The following SARS1 variants were observed in gnomAD, a reference collection of about 807,000 sequenced individuals.
The protein encoded by SARS1 is seryl-tRNA synthetase 1.
A neutral mutation model predicts 63.7 loss-of-function variants in SARS1; 25 were observed. The observed-to-expected ratio is 0.39, with a 90% CI of 0.29 to 0.55. The LOEUF is 0.55. Ranked by LOEUF, SARS1 falls within the 20% of genes least tolerant of loss-of-function variation. The probability of loss-of-function intolerance (pLI) is 0.62; values close to 1 mark genes in which losing one functional copy is unlikely to be tolerated. For missense variants in SARS1, 417 were observed against 649.7 expected (o/e 0.64, Z 3.89); for synonymous variants, 231 against 243.5 (o/e 0.95, Z 0.48).
In SARS1 at chr1:109,237,858, G is replaced by C; in HGVS notation, c.1515G>C (p.Arg505Ser). 6.2e-7 allele frequency: 1 copy of C among 1,614,184 alleles called. No individual in the cohort carries two copies. Reference sequence around the variant, plus strand: ...CAAGAGACGTCACCCTAGAAAACAGGCTGCAGAACATGGAGGTCACCGATG... The same window carrying C: ...CAAGAGACGTCACCCTAGAAAACAGCCTGCAGAACATGGAGGTCACCGATG... ...AAARDVTLEN[R>S]LQNMEVTDA Residue 505 changes from arginine to serine, a missense_variant, in exon 11 of 11, where the codon AGG becomes AGC. Coordinates refer to ENST00000234677, the MANE Select transcript of SARS1 (RefSeq NM_006513.4). The surrounding 1 kb of genome is among the most constrained non-coding windows in gnomAD (Gnocchi z 4.1).
chr1:109,227,523 T>G (rs1041201308), intron 2 of SARS1, among the ~76,000 whole-genome samples: 3 of 152,186 alleles, frequency 2.0e-5, no homozygotes, highest in African/African-American at 7.2e-5. Context: ...TTGTTTGTTT[T>G]CCTTGGCTGT....
intron 6 of SARS1, 38 bp downstream of exon 6, chr1:109,231,824 A>T (rs750646979): frequency 1.2e-5 from 18 of 1,440,178 alleles, no homozygotes; most frequent in Non-Finnish European, 1.6e-5. Flanking sequence ...TGACTTCTTA[A>T]GTTATGTAGC....
chr1:109,228,267 A>G (rs1655134332), intron 2 of SARS1, 85 bp from the exon 3 acceptor site: 1 of 979,444 alleles, frequency 1.0e-6, no homozygotes. Context: ...CATTTATATA[A>G]TACGTTAATT....
intron 2 of SARS1, among the ~76,000 whole-genome samples, chr1:109,227,114 C>T (rs112939096): frequency 0.025 from 3,723 of 151,400 alleles, 119 homozygotes; most frequent in African/African-American, 0.073. Context: ...CCTGCTTCAG[C>T]CTCCCGAGTA....
chr1:109,235,186 T>G lies in SARS1; in HGVS notation c.748-24T>G. ...AAGGTCCTCCCCACTTCCTCTTAAC[T>G]GGTATAGCTCCTTCCTTCCACAGGT... On this transcript the variant is annotated intron_variant, in intron 6 of 10. Transcript: ENST00000234677. This position sits in a 1 kb window ranked among gnomAD's most constrained non-coding sequence, Gnocchi z 4.7. The G allele has an allele frequency of 6.3e-7, 1 of 1,582,798 alleles. No homozygotes were observed. The highest frequency in any genetic ancestry group is 1.3e-5 in the African/African-American group (1 of 74,396).
At chr1:109,232,609 TAA>T (rs894784777) in intron 6 of SARS1, among the ~76,000 whole-genome samples, 1 of 152,166 alleles carries the variant, frequency 6.6e-6, no homozygotes, top group Non-Finnish European at 1.5e-5. Flanking sequence ...GTTGATGAGG[TAA>T]AAGTTAAGTT....
intron 2 of SARS1, 24 bp from the exon 3 acceptor site, chr1:109,228,327 TG>T: frequency 6.5e-7 from 1 of 1,542,230 alleles, no homozygotes; most frequent in Non-Finnish European, 8.9e-7. Context: ...TATTTATTTG[TG>T]TTGGGTTTTT....
At chr1:109,229,630 C>A in intron 4 of SARS1, 58 bp downstream of exon 4, 2 of 1,553,426 alleles carry the variant, frequency 1.3e-6, no homozygotes, top group Non-Finnish European at 1.8e-6. Context: ...TCTGCAGGGG[C>A]GGGGACGGGA....
intron 1 of SARS1, among the ~76,000 whole-genome samples, chr1:109,221,525 T>C (rs941280904): frequency 7.2e-5 from 11 of 152,206 alleles, no homozygotes; most frequent in Admixed American, 6.6e-4. Context: ...AAACTGTCAT[T>C]ATTTGCAGAT....
At chr1:109,216,638 C>CT (rs201229686) in intron 1 of SARS1, 444 of 951,268 alleles carry the variant, frequency 4.7e-4, no homozygotes, top group African/African-American at 2.8e-3. Context: ...TTGTTGTTTC[C>CT]TTTTTTTTTA....
Position 109,224,054 on chromosome 1 carries a change from A to G in SARS1, c.207+6A>G. ...CAATCGGAGAGAAAATGAAGGTAAG[A>G]GAACTGAATAACAAACAGCCATGAG... On this transcript the variant is annotated splice_donor_region_variant and intron_variant, in intron 2 of 10. Transcript: ENST00000234677. The G allele has an allele frequency of 1.9e-6, 3 of 1,604,678 alleles. No individual in the cohort carries two copies. Among genetic ancestry groups the G allele is most frequent in the Non-Finnish European group, 1.7e-6 (2 of 1,171,402 alleles).
intron 2 of SARS1, among the ~76,000 whole-genome samples, chr1:109,227,758 A>T (rs1031220226): frequency 1.1e-4 from 16 of 151,464 alleles, no homozygotes; most frequent in Non-Finnish European, 1.5e-4. Flanking sequence ...AAAAAAAAAA[A>T]GGAAAAAAAA....
At chr1:109,216,213 G>T (rs1195772283) in intron 1 of SARS1, 1 of 985,222 alleles carries the variant, frequency 1.0e-6, no homozygotes, top group Non-Finnish European at 1.2e-6. Flanking sequence ...TTGAGCAAGG[G>T]CTTATAACCA....
At position 109,237,021 on chromosome 1, in the gene SARS1, A is replaced by T; in HGVS notation, c.1258-223A>T. On this transcript the variant is annotated intron_variant, in intron 9 of 10. Transcript: ENST00000234677. This position sits in a 1 kb window ranked among gnomAD's most constrained non-coding sequence, Gnocchi z 4.1. The stretch of plus-strand genomic sequence containing the variant: ...AACTCTCAGAATACCAGAAGCTACC[A>T]CTTGTCACTCATCGAAACATGAGGG... 7.9e-7 allele frequency: 1 copy of T among 1,272,374 alleles called. No homozygotes were observed. The highest frequency in any genetic ancestry group is 1.1e-6 in the Non-Finnish European group (1 of 940,192). 78.8% of individuals were successfully genotyped at this position (1,272,374 alleles called of 1,614,324 possible).
At chr1:109,226,671 A>ATATAT (rs1216630552) in intron 2 of SARS1, among the ~76,000 whole-genome samples, 21 of 34,802 alleles carry the variant, frequency 6.0e-4, no homozygotes, top group Admixed American at 4.3e-4. Flanking sequence ...TTTAAAAAAA[A>ATATAT]AAAAAAATAT....
chr1:109,226,840 C>T (rs1173449422), intron 2 of SARS1, among the ~76,000 whole-genome samples: 2 of 150,374 alleles, frequency 1.3e-5, no homozygotes. Context: ...CCACCTCAGC[C>T]TACCATGTAG....
rs994790587 is a variant in SARS1 at position 109,223,249 on chromosome 1, A to C, written c.137-729A>C. ...CATTATATCAAAGTAAAAGGGTATC[A>C]TTAGCCATTTCTAGCATGGAGAGGT... On this transcript the variant is annotated intron_variant, in intron 1 of 10. Transcript: ENST00000234677. Among the ~76,000 whole-genome samples, 3 of 152,226 alleles carry C rather than the reference A, an allele frequency of 2.0e-5. No homozygotes were observed. In the East Asian group the frequency reaches 5.8e-4, roughly 29 times the overall value.
chr1:109,226,493 A>G (rs897623530), intron 2 of SARS1, among the ~76,000 whole-genome samples: 1 of 149,454 alleles, frequency 6.7e-6, no homozygotes, highest in African/African-American at 2.5e-5. Flanking sequence ...CTAGGACTAT[A>G]GACACATGTC....
Position 109,222,002 on chromosome 1 carries a change from A to T in SARS1, c.137-1976A>T, listed in dbSNP as rs654469. On this transcript the variant is annotated intron_variant, in intron 1 of 10. Coordinates refer to ENST00000234677, the MANE Select transcript of SARS1 (RefSeq NM_006513.4). ...TATATATATATATATATATATATATATATATATATTTTTTTTTTTTTTTTT... is the reference window on the plus strand; with the variant it reads ...TATATATATATATATATATATATATTTATATATATTTTTTTTTTTTTTTTT... Among the ~76,000 whole-genome samples the T allele has an allele frequency of 2.0e-3, 23 of 11,636 alleles. 3 individuals carry two copies. The highest frequency in any genetic ancestry group is 9.8e-3 in the East Asian group (2 of 204). 7.6% of individuals were successfully genotyped at this position (11,636 alleles called of 152,430 possible).
Sources: gnomAD v4.1 joint callset for allele counts (sites outside exome capture counted in the v4.1 genomes callset) on GRCh38, gnomAD v4.1.1 for gene constraint, Gnocchi (gnomAD v3.1) non-coding constraint, MANE v1.5 for transcripts, NCBI Gene and HGNC (gene_info 2026-07-23, HGNC 2026-07-21) for gene names.